The following TAFA2 variants were observed in gnomAD, a reference collection of about 807,000 sequenced individuals.
TAFA2 encodes chemokine-like protein TAFA-2.
In TAFA2, 7 loss-of-function variants were observed where a neutral mutation model predicts 18.8. That is an observed-to-expected ratio of 0.37 (90% CI 0.21 to 0.70). The LOEUF is 0.70. Ranked by LOEUF, TAFA2 falls within the 30% of genes least tolerant of loss-of-function variation. TAFA2 has a pLI of 0.53. For missense variants in TAFA2, 122 were observed against 158.1 expected (o/e 0.77, Z 1.23); for synonymous variants, 60 against 54.2 (o/e 1.11, Z -0.47).
chr12:62,205,731 C>T (rs549202421), intron 1 of TAFA2, among the ~76,000 whole-genome samples: 1 of 152,322 alleles, frequency 6.6e-6, no homozygotes, highest in African/African-American at 2.4e-5. Flanking sequence ...TGCTGCCCTT[C>T]CAGGAAGCCA....
At chr12:62,120,316 A>G (rs1243487896) in intron 1 of TAFA2, among the ~76,000 whole-genome samples, 2 of 152,202 alleles carry the variant, frequency 1.3e-5, no homozygotes, top group Non-Finnish European at 2.9e-5. Flanking sequence ...AGGATATGGC[A>G]TTGTACATTT....
intron 1 of TAFA2, among the ~76,000 whole-genome samples, chr12:62,182,542 A>G (rs1159989260): frequency 6.6e-6 from 1 of 152,194 alleles, no homozygotes; most frequent in Non-Finnish European, 1.5e-5. Flanking sequence ...AAAAGGCAGA[A>G]TCTCAGGCCC....
At chr12:62,033,038 A>AACACGT (rs915285974) in intron 1 of TAFA2, among the ~76,000 whole-genome samples, 26 of 152,140 alleles carry the variant, frequency 1.7e-4, no homozygotes, top group African/African-American at 6.3e-4. Flanking sequence ...CCTGCATGGA[A>AACACGT]ACACGTACAT....
intron 1 of TAFA2, among the ~76,000 whole-genome samples, chr12:62,199,740 G>C (rs369900961): frequency 6.6e-6 from 1 of 152,064 alleles, no homozygotes; most frequent in East Asian, 1.9e-4. Flanking sequence ...CTTTATAATA[G>C]AATGATTGAT....
intron 1 of TAFA2, among the ~76,000 whole-genome samples, chr12:62,073,960 A>G (rs1419777729): frequency 6.6e-6 from 1 of 152,250 alleles, no homozygotes; most frequent in Non-Finnish European, 1.5e-5. Flanking sequence ...TGACTGTGCC[A>G]TAGTATACAA....
intron 1 of TAFA2, among the ~76,000 whole-genome samples, chr12:61,924,271 C>G (rs1268193230): frequency 6.6e-6 from 1 of 152,002 alleles, no homozygotes; most frequent in Non-Finnish European, 1.5e-5. Context: ...GAGAGCAACC[C>G]CAAGACACGT....
intron 1 of TAFA2, among the ~76,000 whole-genome samples, chr12:62,116,156 C>A (rs145500561): frequency 7.1e-4 from 108 of 152,216 alleles, no homozygotes; most frequent in African/African-American, 2.4e-3. Context: ...TGTGGCTAAC[C>A]CAAATTCCAC....
intron 1 of TAFA2, among the ~76,000 whole-genome samples, chr12:62,202,908 A>T (rs1161713975): frequency 1.5e-4 from 21 of 141,352 alleles, no homozygotes; most frequent in Admixed American, 1.5e-3. Context: ...GCTCACTGCA[A>T]CCTCCACCCC....
chr12:61,968,421 C>T (rs1339290072), intron 1 of TAFA2, among the ~76,000 whole-genome samples: 1 of 151,700 alleles, frequency 6.6e-6, no homozygotes, highest in Non-Finnish European at 1.5e-5. Flanking sequence ...CTACATTGTA[C>T]TTAAGAATGT....
chr12:61,869,900 C>T (rs1874522848), intron 1 of TAFA2, among the ~76,000 whole-genome samples: 1 of 152,130 alleles, frequency 6.6e-6, no homozygotes, highest in African/African-American at 2.4e-5. Flanking sequence ...GAATGAACAG[C>T]AAAACTCATC....
chr12:62,075,567 G>T (rs766873582), intron 1 of TAFA2, among the ~76,000 whole-genome samples: 2 of 152,156 alleles, frequency 1.3e-5, no homozygotes, highest in Non-Finnish European at 2.9e-5. Context: ...GAGTGAAGCT[G>T]CCAGTCAGAT....
intron 1 of TAFA2, among the ~76,000 whole-genome samples, chr12:62,036,032 G>T (rs1292553166): frequency 6.6e-6 from 1 of 151,928 alleles, no homozygotes; most frequent in Non-Finnish European, 1.5e-5. Flanking sequence ...GAGCCACCGC[G>T]CCCGGCCAAT....
intron 1 of TAFA2, among the ~76,000 whole-genome samples, chr12:61,884,705 T>C (rs1875295630): frequency 6.6e-6 from 1 of 152,132 alleles, no homozygotes; most frequent in Admixed American, 6.5e-5. Flanking sequence ...AAAGAAAGCA[T>C]GACAAAAATA....
intron 2 of TAFA2, among the ~76,000 whole-genome samples, chr12:61,762,224 T>C (rs1869583002): frequency 6.6e-6 from 1 of 152,100 alleles, no homozygotes; most frequent in Admixed American, 6.6e-5. Context: ...AAGAAAGACC[T>C]TTCTATGCCT....
chr12:61,761,010 T>C (rs1366174263), intron 2 of TAFA2, among the ~76,000 whole-genome samples: 1 of 151,924 alleles, frequency 6.6e-6, no homozygotes, highest in Non-Finnish European at 1.5e-5. Flanking sequence ...GGATACAAAG[T>C]CTTACCCAGC....
At chr12:61,881,244 T>C (rs1333499555) in intron 1 of TAFA2, among the ~76,000 whole-genome samples, 1 of 152,224 alleles carries the variant, frequency 6.6e-6, no homozygotes, top group East Asian at 1.9e-4. Context: ...TATGCATTGC[T>C]CAGTAATCAG....
chr12:61,861,431 T>A (rs1216700042), intron 2 of TAFA2, among the ~76,000 whole-genome samples: 3 of 151,906 alleles, frequency 2.0e-5, no homozygotes, highest in Admixed American at 6.6e-5. Flanking sequence ...TTTTAATCAT[T>A]TTTCTTAGAA....
Position 61,970,339 on chromosome 12 carries a change from T to C in TAFA2, c.-1-102913A>G, listed in dbSNP as rs149810808. Among the ~76,000 whole-genome samples, 151 of 151,692 alleles carry C rather than the reference T, an allele frequency of 1.0e-3. 2 individuals carry two copies. The East Asian group carries it at 0.019, about 19-fold the overall frequency. The stretch of plus-strand genomic sequence containing the variant: ...TTTCTTAGTAAAATTCATATCTGAT[T>C]TTTTTGGTTCCCCAAATATTGGACT... On this transcript the variant is annotated intron_variant, in intron 1 of 4. Transcript: ENST00000416284.
At chr12:61,738,136 T>G (rs1433708085) in intron 4 of TAFA2, among the ~76,000 whole-genome samples, 1 of 152,030 alleles carries the variant, frequency 6.6e-6, no homozygotes, top group East Asian at 1.9e-4. Flanking sequence ...TGTGATTTAG[T>G]AAGAACATTA....
Sources: gnomAD v4.1 joint callset for allele counts (sites outside exome capture counted in the v4.1 genomes callset) on GRCh38, gnomAD v4.1.1 for gene constraint, MANE v1.5 for transcripts, NCBI Gene and HGNC (gene_info 2026-07-23, HGNC 2026-07-21) for gene names.